Variants in ANKRD30A observed in about 807,000 individuals in gnomAD.
ANKRD30A encodes the protein ankyrin repeat domain 30A.
In ANKRD30A, 170 loss-of-function variants were observed where a neutral mutation model predicts 166.3. That is an observed-to-expected ratio of 1.02 (90% confidence interval 0.90 to 1.16). The LOEUF is 1.16. Among genes scored for constraint, ANKRD30A ranks in the 50% most tolerant of loss-of-function variants. ANKRD30A has a pLI of 0.00. For synonymous variants in ANKRD30A, 564 were observed against 508.9 expected (o/e 1.11, Z -1.46); for missense variants, 1,630 against 1,518.0 (o/e 1.07, Z -1.23).
At chr10:37,203,366 C>G (rs1841778536) in intron 31 of ANKRD30A, among the ~76,000 whole-genome samples, 1 of 152,174 alleles carries the variant, frequency 6.6e-6, no homozygotes, top group African/African-American at 2.4e-5. Context: ...ATCATATAAA[C>G]AGAACCAAAA....
chr10:37,198,576 G>GC (rs1176529080), intron 29 of ANKRD30A, among the ~76,000 whole-genome samples: 1 of 151,874 alleles, frequency 6.6e-6, no homozygotes, highest in Non-Finnish European at 1.5e-5. Context: ...TTTGAACTGT[G>GC]CCCCAGAGCT....
the ANKRD30A span, chr10:37,241,213 C>T: frequency 6.6e-6 from 1 of 151,300 alleles, no homozygotes; most frequent in Non-Finnish European, 1.5e-5. Flanking sequence ...ACTGGCTCCT[C>T]TAGGATCTAC....
At chr10:37,157,782 A>T (rs978731839) in intron 13 of ANKRD30A, among the ~76,000 whole-genome samples, 3 of 152,326 alleles carry the variant, frequency 2.0e-5, no homozygotes, top group East Asian at 1.9e-4. Context: ...CTCGTATTTC[A>T]CAGAGGTACA....
chr10:37,152,466 C>T (rs17590190), intron 12 of ANKRD30A, among the ~76,000 whole-genome samples: 9 of 152,188 alleles, frequency 5.9e-5, no homozygotes, highest in South Asian at 2.1e-4. Flanking sequence ...TTCTGTCTTA[C>T]ATCTAGATGT....
Position 37,217,898 on chromosome 10 carries a change from A to C in ANKRD30A, c.3267+20A>C. 1 of 1,472,916 alleles carries C rather than the reference A, an allele frequency of 6.8e-7. No individual in the cohort carries two copies. Among genetic ancestry groups the C allele is most frequent in the Non-Finnish European group, 9.1e-7 (1 of 1,100,866 alleles). 91.2% of individuals were successfully genotyped at this position (1,472,916 alleles called of 1,614,324 possible). A position where few individuals can be genotyped will look rare whatever the true frequency, so the allele number is the denominator to read the frequency against. On this transcript the variant is annotated intron_variant, in intron 33 of 35. Coordinates refer to ENST00000361713, the MANE Select transcript of ANKRD30A (RefSeq NM_052997.3). ...AATCAGGTAAATCAATCTCTGATAAAAATTTTATATTTCTAACTTTATTTC... is the reference window on the plus strand; with the variant it reads ...AATCAGGTAAATCAATCTCTGATAACAATTTTATATTTCTAACTTTATTTC...
At chr10:37,232,693 T>TATATAA (rs1491500759), downstream of ANKRD30A, 4 of 9,122 alleles carry the variant, frequency 4.4e-4, 1 homozygote, top group Non-Finnish European at 8.4e-4. Context: ...TATATATATA[T>TATATAA]AAATAGAGAG....
chr10:37,252,756 C>A, the ANKRD30A span, among the ~76,000 whole-genome samples: 2 of 151,864 alleles, frequency 1.3e-5, no homozygotes, highest in African/African-American at 4.8e-5. Context: ...CTGGAATATG[C>A]ACTTAATTAC....
At chr10:37,141,345 A>C (rs558845546) in intron 6 of ANKRD30A, among the ~76,000 whole-genome samples, 1 of 152,158 alleles carries the variant, frequency 6.6e-6, no homozygotes, top group South Asian at 2.1e-4. Flanking sequence ...GCCAAGGCAG[A>C]TGTATTGCTT....
chr10:37,182,851 C>T (rs1840118957), intron 24 of ANKRD30A, among the ~76,000 whole-genome samples: 1 of 150,082 alleles, frequency 6.7e-6, no homozygotes, highest in Non-Finnish European at 1.5e-5. Flanking sequence ...CCGTCTCGGC[C>T]TCCCAAAGTA....
chr10:37,171,460 T>C (rs1324585323), intron 21 of ANKRD30A, among the ~76,000 whole-genome samples: 1 of 150,812 alleles, frequency 6.6e-6, no homozygotes, highest in African/African-American at 2.5e-5. Flanking sequence ...ATTATGACAT[T>C]GTGACATGTC....
At chr10:37,217,907 A>C in intron 33 of ANKRD30A, 29 bp downstream of exon 33, 1 of 1,436,280 alleles carries the variant, frequency 7.0e-7, no homozygotes, top group African/African-American at 1.5e-5. Context: ...AAAATTTTAT[A>C]TTTCTAACTT....
rs1234678881 is a variant in ANKRD30A, at chr10:37,136,686, A to C, written c.820+15A>C. 9 of 1,373,376 alleles carry C rather than the reference A, an allele frequency of 6.6e-6. No individual in the cohort carries two copies. In the South Asian group the frequency reaches 1.0e-4, roughly 16 times the overall value. 85.1% of individuals were successfully genotyped at this position (1,373,376 alleles called of 1,614,324 possible). The stretch of plus-strand genomic sequence containing the variant: ...TACCAATCCAGGTAAGACTTCTGAT[A>C]GTAAACTACCCTTGGTGGTGCTATC... On this transcript the variant is annotated intron_variant, in intron 6 of 35. Coordinates refer to ENST00000361713, the MANE Select transcript of ANKRD30A (RefSeq NM_052997.3).
intron 18 of ANKRD30A, among the ~76,000 whole-genome samples, chr10:37,165,448 C>T (rs4084058): frequency 1.3e-5 from 2 of 152,314 alleles, no homozygotes; most frequent in Middle Eastern, 3.4e-3. Flanking sequence ...TGTCTAAAAG[C>T]AAAAGAATTA....
At position 37,158,421 on chromosome 10, in the gene ANKRD30A, GT is replaced by G. The variant is rs1426567817; in HGVS notation, c.1827+2del. 1 of 1,611,160 alleles carries G rather than the reference GT, an allele frequency of 6.2e-7. No individual in the cohort carries two copies. Among genetic ancestry groups the G allele is most frequent in the Non-Finnish European group, 8.5e-7 (1 of 1,177,940 alleles). On this transcript the variant is annotated splice_donor_variant, in intron 14 of 35. Coordinates refer to ENST00000361713, the MANE Select transcript of ANKRD30A (RefSeq NM_052997.3). LOFTEE classifies it high-confidence loss of function. ...TCCTAATAAAGATGGTCTTCTGAAG[GT>G]AATAACTTTTATATTTTTGTCTTGA...
chr10:37,260,928 C>T, the ANKRD30A span, among the ~76,000 whole-genome samples: 11 of 152,136 alleles, frequency 7.2e-5, no homozygotes, highest in Admixed American at 2.0e-4. Context: ...GGTTGAAAAA[C>T]TACCAATTGT....
intron 5 of ANKRD30A, 21 bp downstream of exon 5, chr10:37,134,074 G>A (rs758134405): frequency 6.2e-7 from 1 of 1,611,228 alleles, no homozygotes; most frequent in South Asian, 1.1e-5. Flanking sequence ...ACGTTTAGAG[G>A]CTAGGTGAGA....
intron 6 of ANKRD30A, among the ~76,000 whole-genome samples, chr10:37,140,283 G>A (rs1281547170): frequency 6.6e-6 from 1 of 152,138 alleles, no homozygotes; most frequent in East Asian, 1.9e-4. Context: ...AGCATCAACT[G>A]TGTGACATAG....
downstream of ANKRD30A, among the ~76,000 whole-genome samples, chr10:37,235,786 T>A (rs1843645526): frequency 6.7e-6 from 1 of 149,008 alleles, no homozygotes; most frequent in Non-Finnish European, 1.5e-5. Context: ...TTTTTTTTTT[T>A]TGAGGCAGAA....
intron 19 of ANKRD30A, among the ~76,000 whole-genome samples, chr10:37,167,076 C>T (rs1245091606): frequency 2.6e-5 from 4 of 151,774 alleles, no homozygotes; most frequent in Admixed American, 1.3e-4. Flanking sequence ...TAGGAAAGAT[C>T]GGATGCAGGG....
Sources: gnomAD v4.1 joint callset for allele counts (sites outside exome capture counted in the v4.1 genomes callset) on GRCh38, gnomAD v4.1.1 for gene constraint, MANE v1.5 for transcripts, NCBI Gene and HGNC (gene_info 2026-07-23, HGNC 2026-07-21) for gene names.